Variants in KIT observed in about 807,000 individuals in gnomAD.
The protein encoded by KIT is KIT proto-oncogene, receptor tyrosine kinase.
A neutral mutation model predicts 105.7 loss-of-function variants in KIT; 16 were observed. The ratio of observed to expected loss-of-function variants is 0.15; its 90% CI spans 0.10 to 0.23. KIT has a LOEUF of 0.23. Ranked by LOEUF, KIT falls within the 10% of genes least tolerant of loss-of-function variation. The pLI, the probability that KIT is intolerant of heterozygous loss-of-function variation, is 1.00. For synonymous variants in KIT, 438 were observed against 441.1 expected (o/e 0.99, Z 0.09); for missense variants, 858 against 1,213.8 (o/e 0.71, Z 4.36).
intron 7 of KIT, among the ~76,000 whole-genome samples, chr4:54,713,459 T>G (rs1484202277): frequency 6.6e-6 from 1 of 152,140 alleles, no homozygotes; most frequent in East Asian, 1.9e-4. Context: ...CATATGTAGG[T>G]GTACTGTATG....
intron 1 of KIT, among the ~76,000 whole-genome samples, chr4:54,670,250 G>T (rs1353976882): frequency 6.6e-6 from 1 of 152,136 alleles, no homozygotes; most frequent in Non-Finnish European, 1.5e-5. Context: ...ATGCTCTTTG[G>T]TATCTCTCCA....
chr4:54,665,045 CT>C (rs1243239716), intron 1 of KIT, among the ~76,000 whole-genome samples: 1 of 152,140 alleles, frequency 6.6e-6, no homozygotes. Context: ...AGCAGCTCCC[CT>C]CTCCTTCCCC....
chr4:54,682,685 C>T (rs1345251144), intron 1 of KIT, among the ~76,000 whole-genome samples: 1 of 151,864 alleles, frequency 6.6e-6, no homozygotes, highest in Non-Finnish European at 1.5e-5. Flanking sequence ...CTGCCTCGGC[C>T]TCCCAAAGTG....
chr4:54,732,105 C>G (rs2109797270), intron 16 of KIT, 107 bp downstream of exon 16: 1 of 1,241,018 alleles, frequency 8.1e-7, no homozygotes. Context: ...AGTTAAAATG[C>G]AGAATGTCAT....
At chr4:54,715,873 G>A (rs1397416351) in intron 7 of KIT, among the ~76,000 whole-genome samples, 6 of 152,124 alleles carry the variant, frequency 3.9e-5, no homozygotes, top group African/African-American at 1.4e-4. Flanking sequence ...AATAATAACG[G>A]CAGTCTTGCC....
At chr4:54,672,167 T>C (rs1206812920) in intron 1 of KIT, among the ~76,000 whole-genome samples, 1 of 152,242 alleles carries the variant, frequency 6.6e-6, no homozygotes, top group East Asian at 1.9e-4. Flanking sequence ...TCTGTAGGTG[T>C]TAGCCCCGTT....
chr4:54,725,424 T>C (rs1722153509), intron 8 of KIT, among the ~76,000 whole-genome samples: 1 of 152,082 alleles, frequency 6.6e-6, no homozygotes, highest in African/African-American at 2.4e-5. Context: ...TTTTTTATGC[T>C]TTCCTCCTCT....
chr4:54,733,046 T>G, intron 16 of KIT, 24 bp from the exon 17 acceptor site: 1 of 1,605,462 alleles, frequency 6.2e-7, no homozygotes, highest in Non-Finnish European at 8.5e-7. Flanking sequence ...TTAAATGGTT[T>G]TCTTTTCTCC....
intron 1 of KIT, among the ~76,000 whole-genome samples, chr4:54,693,211 G>T (rs538845685): frequency 3.9e-4 from 59 of 152,306 alleles, no homozygotes; most frequent in African/African-American, 1.4e-3. Flanking sequence ...ATTTCCAGCA[G>T]TCTCTTTGTA....
intron 5 of KIT, among the ~76,000 whole-genome samples, chr4:54,704,468 C>T (rs17084661): frequency 0.032 from 4,808 of 152,130 alleles, 249 homozygotes; most frequent in African/African-American, 0.11. Context: ...GTCATTGGTT[C>T]TACGGAGCAT....
At chr4:54,738,226 T>C (rs1057114936) in intron 20 of KIT, among the ~76,000 whole-genome samples, 23 of 152,342 alleles carry the variant, frequency 1.5e-4, no homozygotes, top group African/African-American at 5.3e-4. Flanking sequence ...ATAAAGTTAT[T>C]TCCTTGGAAA....
intron 9 of KIT, 31 bp downstream of exon 9, chr4:54,726,081 A>C (rs1369695408): frequency 3.9e-6 from 6 of 1,548,198 alleles, no homozygotes; most frequent in Non-Finnish European, 5.4e-6. Context: ...ATTTAAGGGG[A>C]TGTTTAGGCT....
At chr4:54,685,215 C>T (rs1277641402) in intron 1 of KIT, among the ~76,000 whole-genome samples, 1 of 152,124 alleles carries the variant, frequency 6.6e-6, no homozygotes, top group Non-Finnish European at 1.5e-5. Context: ...TCATGGACAC[C>T]ACTACCACCC....
At chr4:54,692,650 T>C (rs1719789692) in intron 1 of KIT, among the ~76,000 whole-genome samples, 1 of 152,208 alleles carries the variant, frequency 6.6e-6, no homozygotes, top group South Asian at 2.1e-4. Context: ...ATAATATAAA[T>C]AATAGCATCT....
chr4:54,723,559 T>C lies in KIT; in HGVS notation c.1232-25T>C, dbSNP rs373643631. On this transcript the variant is annotated intron_variant, in intron 7 of 20. Coordinates refer to ENST00000288135, the MANE Select transcript of KIT (RefSeq NM_000222.3). ...GCTGAGGTTTTCCAGCACTCTGACATATGGCCATTTCTGTTTTCCTGTAGC... is the reference window on the plus strand; with the variant it reads ...GCTGAGGTTTTCCAGCACTCTGACACATGGCCATTTCTGTTTTCCTGTAGC... 2.8e-5 allele frequency: 42 copies of C among 1,479,520 alleles called. No homozygotes were observed. The African/African-American group carries it at 5.0e-4, about 18-fold the overall frequency. The allele number at this position is 1,479,520 out of a possible 1,614,324, so 91.6% of individuals were successfully genotyped here. A position where few individuals can be genotyped will look rare whatever the true frequency, so the allele number is the denominator to read the frequency against.
chr4:54,733,042 G>T (rs1722706863), intron 16 of KIT, 28 bp from the exon 17 acceptor site: 1 of 1,598,906 alleles, frequency 6.3e-7, no homozygotes, highest in South Asian at 1.1e-5. Context: ...GAATTTAAAT[G>T]GTTTTCTTTT....
At chr4:54,694,312 T>A (rs1049347258) in intron 1 of KIT, among the ~76,000 whole-genome samples, 1 of 152,178 alleles carries the variant, frequency 6.6e-6, no homozygotes, top group Admixed American at 6.5e-5. Flanking sequence ...TTTCTTCAGA[T>A]TGACAGTAAA....
chr4:54,698,894 G>A (rs1403388178), intron 3 of KIT, among the ~76,000 whole-genome samples: 2 of 152,118 alleles, frequency 1.3e-5, no homozygotes, highest in African/African-American at 4.8e-5. Flanking sequence ...AATTATGTTG[G>A]TTGAAAAGAT....
intron 1 of KIT, among the ~76,000 whole-genome samples, chr4:54,682,991 A>T (rs1013394575): frequency 1.3e-5 from 2 of 151,830 alleles, no homozygotes; most frequent in Admixed American, 6.6e-5. Flanking sequence ...GTCTCAAGTG[A>T]TCCTCCCGCC....
Sources: gnomAD v4.1 joint callset for allele counts (sites outside exome capture counted in the v4.1 genomes callset) on GRCh38, gnomAD v4.1.1 for gene constraint, MANE v1.5 for transcripts, NCBI Gene and HGNC (gene_info 2026-07-23, HGNC 2026-07-21) for gene names.